SPIN3: variants seen among roughly 807,000 people sequenced by gnomAD.
The protein encoded by SPIN3 is spindlin family member 3.
For missense variants in SPIN3, 176 were observed against 196.4 expected (o/e 0.90, Z 0.62); for synonymous variants, 74 against 74.3 (o/e 1.00, Z 0.02).
downstream of SPIN3, among the ~76,000 whole-genome samples, chrX:56,988,113 G>A (rs1266562919): frequency 8.9e-6 from 1 of 111,761 alleles, no homozygotes; most frequent in Non-Finnish European, 1.9e-5. Context: ...CCAATCAGCT[G>A]ACTTTATTGT....
At chrX:56,978,565 C>G (rs745851415) in intron 4 of SPIN3, 1 of 111,351 alleles carries the variant, frequency 9.0e-6, no homozygotes, top group Non-Finnish European at 1.9e-5. Flanking sequence ...TCAGTAAAAT[C>G]TTGTAAACGC....
At chrX:56,983,585 G>C (rs1429577552) in intron 3 of SPIN3, among the ~76,000 whole-genome samples, 1 of 112,820 alleles carries the variant, frequency 8.9e-6, no homozygotes, top group Non-Finnish European at 1.9e-5. Context: ...TGTGTGCAGT[G>C]ATTTGTGTAC....
At chrX:56,995,106 T>A in intron 1 of SPIN3, 110 bp downstream of exon 1, 4 of 560,929 alleles carry the variant, frequency 7.1e-6, no homozygotes, top group Non-Finnish European at 1.1e-5. Context: ...CAAGGCACCC[T>A]GGCTGAGTGC....
At chrX:56,982,926 A>C (rs1283951237) in intron 3 of SPIN3, 1 of 111,879 alleles carries the variant, frequency 8.9e-6, no homozygotes, top group African/African-American at 3.3e-5. Flanking sequence ...TGGACTGTTG[A>C]AGGAAATGGC....
chrX:56,979,911 G>A (rs1364748853), intron 3 of SPIN3: 1 of 112,070 alleles, frequency 8.9e-6, no homozygotes, highest in African/African-American at 3.2e-5. Context: ...GGACAAGTTG[G>A]TCATTTATCC....
At chrX:56,981,844 T>C (rs1319357909) in intron 3 of SPIN3, 1 of 111,849 alleles carries the variant, frequency 8.9e-6, no homozygotes, top group Non-Finnish European at 1.9e-5. Flanking sequence ...CATGGCTTAT[T>C]GGTGCCATAC....
chrX:56,989,858 T>G (rs955658449), downstream of SPIN3, among the ~76,000 whole-genome samples: 2 of 111,536 alleles, frequency 1.8e-5, no homozygotes, highest in African/African-American at 6.5e-5. Flanking sequence ...TGATTCTACA[T>G]TATGGTGAGT....
chrX:56,995,437 C>G lies in SPIN3; in HGVS notation c.-224G>C, dbSNP rs947703678. On this transcript the variant is annotated 5_prime_UTR_variant, in exon 1 of 2. Transcript: ENST00000374919. The stretch of plus-strand genomic sequence containing the variant: ...GATGACCGTGGCGGCGTCCCTTGCT[C>G]TTGGCTCCTGCGTCCTCCGCCTTCC... 1 of 115,864 alleles carries G rather than the reference C, an allele frequency of 8.6e-6. No homozygotes were observed. The highest frequency in any genetic ancestry group is 1.8e-5 in the Non-Finnish European group (1 of 55,777). 9.5% of individuals were successfully genotyped at this position (115,864 alleles called of 1,213,427 possible). A position where few individuals can be genotyped will look rare whatever the true frequency, so the allele number is the denominator to read the frequency against.
At position 56,994,942 on chromosome X, in the gene SPIN3, C is replaced by T. The variant is rs1400997646; in HGVS notation, c.6G>A (p.Lys2=). The T allele has an allele frequency of 1.5e-5, 18 of 1,183,800 alleles. No individual in the cohort carries two copies. The highest frequency in any genetic ancestry group is 3.0e-5 in the East Asian group (1 of 33,472). M[K]TPFGKAAAGQ... ...CTGCAGCTGCCTTTCCAAACGGGGT[C>T]TTCATGCCTGCGAAGAGGAGCACAG... is the stretch of plus-strand genomic sequence containing the variant. The change falls in exon 2 of 2, where the codon AAG becomes AAA. Residue 2 remains lysine (K), a synonymous_variant. Transcript: ENST00000374919.
chrX:56,976,985 C>T (rs1388732206), exon 6 of SPIN3: 1 of 111,692 alleles, frequency 9.0e-6, no homozygotes, highest in Non-Finnish European at 1.9e-5. Context: ...GGAGCTGTTA[C>T]CTGTTTATGT....
intron 3 of SPIN3, among the ~76,000 whole-genome samples, chrX:56,980,953 A>G (rs138429295): frequency 0.017 from 1,891 of 111,004 alleles, 45 homozygotes; most frequent in African/African-American, 0.058. Flanking sequence ...AAAAAGAAAC[A>G]TATTAGTTAA....
At chrX:56,982,171 G>C (rs1217994814) in intron 3 of SPIN3, 1 of 111,425 alleles carries the variant, frequency 9.0e-6, no homozygotes, top group Non-Finnish European at 1.9e-5. Context: ...GATCATGATG[G>C]AATTCTCAGG....
downstream of SPIN3, among the ~76,000 whole-genome samples, chrX:56,986,646 A>G (rs1019799242): frequency 3.6e-5 from 4 of 112,208 alleles, no homozygotes; most frequent in African/African-American, 1.3e-4. Context: ...TAATAATACA[A>G]ATGTCTTGTA....
At chrX:56,987,853 T>TTTAGCA (rs779399771), downstream of SPIN3, among the ~76,000 whole-genome samples, 21 of 112,250 alleles carry the variant, frequency 1.9e-4, no homozygotes, top group Non-Finnish European at 2.8e-4. Flanking sequence ...ACTAGTTACA[T>TTTAGCA]GTCACTGGAG....
At chrX:56,986,890 G>C (rs1328461345), downstream of SPIN3, among the ~76,000 whole-genome samples, 1 of 112,215 alleles carries the variant, frequency 8.9e-6, no homozygotes, top group African/African-American at 3.2e-5. Flanking sequence ...CCAGCACTTT[G>C]GGAGGCTGAG....
chrX:56,994,738 T>A lies in SPIN3; in HGVS notation c.210A>T (p.Gly70=), dbSNP rs989231250. Residue 70 remains glycine (G), a synonymous_variant, in exon 2 of 2, where the codon GGA becomes GGT. Coordinates refer to ENST00000374919, the MANE Select transcript of SPIN3 (RefSeq NM_001010862.3). ...TTACAGGTACCTGATCCAGAACGGT[T>A]CCTTTCCACTGTGTTAGAGGTTCAT... ...DGDEPLTQWK[G]TVLDQVPVNP... is the part of the protein sequence containing the mutation. 8.3e-7 allele frequency: 1 copy of A among 1,210,111 alleles called. No homozygotes were observed. Among genetic ancestry groups the A allele is most frequent in the African/African-American group, 1.7e-5 (1 of 57,220 alleles).
At position 56,994,838 on chromosome X, in the gene SPIN3, T is replaced by C; in HGVS notation, c.110A>G (p.His37Arg). 2 of 1,211,753 alleles carry C rather than the reference T, an allele frequency of 1.7e-6. No individual in the cohort carries two copies. Among genetic ancestry groups the C allele is most frequent in the Non-Finnish European group, 2.2e-6 (2 of 895,543 alleles). ...AGGCTGGGAGGTGGGTCGGCTCCTA[T>C]GCTTCTTGTGTGCAGCCTTCCTCTT... is the stretch of plus-strand genomic sequence containing the variant. Reference protein sequence around the residue: ...MIKRKAAHKKHRSRPTSQPRG... With the variant: ...MIKRKAAHKKRRSRPTSQPRG... Residue 37 changes from histidine to arginine, a missense_variant, in exon 2 of 2, where the codon CAT becomes CGT. His to Arg is a conservative substitution (Grantham distance 29, BLOSUM62 0). Transcript: ENST00000374919.
chrX:56,985,362 T>C (rs1275481431), intron 2 of SPIN3, among the ~76,000 whole-genome samples: 1 of 112,221 alleles, frequency 8.9e-6, no homozygotes, highest in Admixed American at 9.4e-5. Flanking sequence ...CCATTAGAGA[T>C]TGCCTCAGCT....
At chrX:56,977,060 T>C (rs1210180467) in exon 6 of SPIN3, 1 of 111,625 alleles carries the variant, frequency 9.0e-6, no homozygotes, top group African/African-American at 3.2e-5. Flanking sequence ...CAGAGAATTG[T>C]ACACCTCCTT....
Sources: allele counts gnomAD v4.1 joint callset (sites outside exome capture counted in the v4.1 genomes callset), GRCh38; gene constraint gnomAD v4.1.1; transcripts MANE v1.5; gene names NCBI Gene and HGNC (gene_info 2026-07-23, HGNC 2026-07-21).